Variants in ZNF266 observed in about 807,000 individuals in gnomAD.
The protein encoded by ZNF266 is zinc finger protein 1.
ZNF266 carries 16 observed loss-of-function variants against 16.4 expected under a neutral mutation model. The observed-to-expected ratio is 0.98, with a 90% CI of 0.66 to 1.48. The LOEUF is 1.48. Ranked by LOEUF, ZNF266 falls within the 40% of genes most tolerant of loss-of-function variation. The pLI is 0.00. For synonymous variants in ZNF266, 262 were observed against 237.9 expected (o/e 1.10, Z -0.93); for missense variants, 738 against 689.1 (o/e 1.07, Z -0.79).
chr19:9,429,654 G>A (rs1431688624), intron 5 of ZNF266, among the ~76,000 whole-genome samples: 1 of 152,128 alleles, frequency 6.6e-6, no homozygotes, highest in African/African-American at 2.4e-5. Flanking sequence ...TCCGTGGACT[G>A]CCTCTCCTAA....
At chr19:9,426,029 T>C (rs1300703815) in intron 5 of ZNF266, among the ~76,000 whole-genome samples, 1 of 152,168 alleles carries the variant, frequency 6.6e-6, no homozygotes, top group East Asian at 1.9e-4. Flanking sequence ...CTTCCCACTC[T>C]GACAACAGTA....
Position 9,413,480 on chromosome 19 carries a change from T to C in ZNF266, c.1646A>G (p.His549Arg). 1 of 1,612,776 alleles carries C rather than the reference T, an allele frequency of 6.2e-7. No individual in the cohort carries two copies. ...TTTTTCTCCAGTGTGGATCCGCATG[T>C]GAAGGTTAACACACGTGGGAAACTT... Reference protein sequence around the residue: ...AFKFPTCVNLHMRIHTGEKPY... With the variant: ...AFKFPTCVNLRMRIHTGEKPY... Residue 549 changes from histidine (H) to arginine (R), a missense_variant, in exon 11 of 11, where the codon CAC (histidine) becomes CGC (arginine). By Grantham distance (29) the His-to-Arg change is conservative. Coordinates refer to ENST00000592904, the MANE Select transcript of ZNF266 (RefSeq NM_001370374.1).
At chr19:9,431,892 A>G (rs1488635629) in intron 5 of ZNF266, among the ~76,000 whole-genome samples, 1 of 152,192 alleles carries the variant, frequency 6.6e-6, no homozygotes, top group African/African-American at 2.4e-5. Flanking sequence ...ACCAGTTTCT[A>G]ACAGAAGAAT....
rs552878304 is a variant in ZNF266, at chr19:9,413,513, T to G, written c.1613A>C (p.Lys538Thr). The change falls in exon 11 of 11, where the codon AAA becomes ACA. Residue 538 changes from lysine (K) to threonine (T), a missense_variant. Physicochemically the swap from Lys to Thr is moderately conservative, Grantham distance 78 (BLOSUM62 -1). Transcript: ENST00000592904. The part of the protein sequence containing the change: ...KKPFTCMECG[K>T]AFKFPTCVNL... ...AACACACGTGGGAAACTTAAAAGCT[T>G]TGCCACATTCCATACACGTGAATGG... 27 of 1,613,354 alleles carry G rather than the reference T, an allele frequency of 1.7e-5. No homozygotes were observed. In the South Asian group the frequency reaches 2.9e-4, roughly 17 times the overall value.
At chr19:9,429,366 C>A (rs1186031425) in intron 5 of ZNF266, among the ~76,000 whole-genome samples, 3 of 152,052 alleles carry the variant, frequency 2.0e-5, no homozygotes, top group Non-Finnish European at 4.4e-5. Context: ...ACCTAAACTT[C>A]CACCAAAAGA....
intron 5 of ZNF266, among the ~76,000 whole-genome samples, chr19:9,423,545 C>T (rs1413884768): frequency 2.0e-5 from 3 of 152,198 alleles, no homozygotes; most frequent in African/African-American, 7.2e-5. Flanking sequence ...AGTGGATCTA[C>T]ATGAAAAGTG....
At chr19:9,424,294 A>T (rs1200168157) in intron 5 of ZNF266, among the ~76,000 whole-genome samples, 1 of 152,112 alleles carries the variant, frequency 6.6e-6, no homozygotes, top group Non-Finnish European at 1.5e-5. Flanking sequence ...TCAAAGGGAA[A>T]CTGTGGCACT....
rs374341662 is a variant in ZNF266, at chr19:9,413,502, A to G, written c.1624T>C (p.Phe542Leu). 1 of 1,613,026 alleles carries G rather than the reference A, an allele frequency of 6.2e-7. No homozygotes were observed. Among genetic ancestry groups the G allele is most frequent in the Non-Finnish European group, 8.5e-7 (1 of 1,179,354 alleles). ...ATGTGAAGGTTAACACACGTGGGAAACTTAAAAGCTTTGCCACATTCCATA... is the reference window on the plus strand; with the variant it reads ...ATGTGAAGGTTAACACACGTGGGAAGCTTAAAAGCTTTGCCACATTCCATA... ...TCMECGKAFK[F>L]PTCVNLHMRI... The change falls in exon 11 of 11, where the codon TTT becomes CTT. Residue 542 changes from phenylalanine (F) to leucine (L), a missense_variant. Transcript: ENST00000592904.
chr19:9,415,730 T>C lies in ZNF266; in HGVS notation c.329A>G (p.Lys110Arg). The change falls in exon 10 of 11, where the codon AAA (lysine) becomes AGA (arginine). Residue 110 changes from lysine to arginine, a missense_variant. Physicochemically the swap from Lys to Arg is conservative, Grantham distance 26 (BLOSUM62 2). Coordinates refer to ENST00000592904, the MANE Select transcript of ZNF266 (RefSeq NM_001370374.1). The stretch of plus-strand genomic sequence containing the variant: ...TAACTCTTTGGTTTTAAGTTGCACT[T>C]TCCATTCTGAAGCTGAAGAGAAAAA... The part of the protein sequence containing the change: ...QRGDFQASEW[K>R]VQLKTKELAL... 1 of 1,612,794 alleles carries C rather than the reference T, an allele frequency of 6.2e-7. No individual in the cohort carries two copies. The highest frequency in any genetic ancestry group is 8.5e-7 in the Non-Finnish European group (1 of 1,179,052).
At chr19:9,419,108 A>G (rs1316185941) in intron 7 of ZNF266, 109 bp downstream of exon 7, 1 of 156,064 alleles carries the variant, frequency 6.4e-6, no homozygotes, top group Non-Finnish European at 1.4e-5. Flanking sequence ...TCCTTGAAGG[A>G]GGCTTTATTT....
At position 9,414,721 on chromosome 19, in the gene ZNF266, C is replaced by A. The variant is rs1463163158; in HGVS notation, c.406-1G>T. ...CCTCCCCTCCGTTGTGGCTTCCTATCTGTTGATAAAGGAATGAATGATGAT... is the reference window on the plus strand; with the variant it reads ...CCTCCCCTCCGTTGTGGCTTCCTATATGTTGATAAAGGAATGAATGATGAT... On this transcript the variant is annotated splice_acceptor_variant, in intron 10 of 10. Coordinates refer to ENST00000592904, the MANE Select transcript of ZNF266 (RefSeq NM_001370374.1). LOFTEE classifies it high-confidence loss of function. 9 of 1,554,748 alleles carry A rather than the reference C, an allele frequency of 5.8e-6. No individual in the cohort carries two copies. Among genetic ancestry groups the A allele is most frequent in the Non-Finnish European group, 7.8e-6 (9 of 1,146,796 alleles).
intron 5 of ZNF266, among the ~76,000 whole-genome samples, chr19:9,426,985 T>A (rs1211930321): frequency 6.6e-6 from 1 of 152,198 alleles, no homozygotes; most frequent in Non-Finnish European, 1.5e-5. Flanking sequence ...CACTTACAAA[T>A]TGGCTTGATA....
At chr19:9,417,215 A>G (rs2069170208) in intron 9 of ZNF266, among the ~76,000 whole-genome samples, 1 of 151,678 alleles carries the variant, frequency 6.6e-6, no homozygotes, top group Admixed American at 6.6e-5. Context: ...CACTAATAAT[A>G]CAAAAAATTA....
chr19:9,428,522 G>A (rs2071105780), intron 5 of ZNF266, among the ~76,000 whole-genome samples: 1 of 152,208 alleles, frequency 6.6e-6, no homozygotes, highest in African/African-American at 2.4e-5. Context: ...ATGGGGCTCA[G>A]TGGAATGCTG....
intron 5 of ZNF266, among the ~76,000 whole-genome samples, chr19:9,428,546 C>G (rs1417986578): frequency 6.6e-6 from 1 of 152,174 alleles, no homozygotes; most frequent in Non-Finnish European, 1.5e-5. Context: ...CCTTCCATCC[C>G]TTAGCCAGGA....
chr19:9,423,517 A>C (rs1486771649), intron 5 of ZNF266, among the ~76,000 whole-genome samples: 3 of 152,138 alleles, frequency 2.0e-5, no homozygotes, highest in Non-Finnish European at 4.4e-5. Context: ...TCCATCACAC[A>C]CCCCATCACT....
intron 5 of ZNF266, among the ~76,000 whole-genome samples, chr19:9,424,884 T>C (rs750905988): frequency 5.3e-5 from 8 of 152,324 alleles, no homozygotes; most frequent in South Asian, 2.1e-4. Context: ...GGTAGGAATA[T>C]AGACTTGTTT....
Position 9,413,895 on chromosome 19 carries a change from G to C in ZNF266, c.1231C>G (p.Arg411Gly). The C allele has an allele frequency of 6.2e-7, 1 of 1,613,414 alleles. No homozygotes were observed. Residue 411 changes from arginine to glycine, a missense_variant, in exon 11 of 11, where the codon CGA becomes GGA. Arg to Gly is a moderately radical substitution (Grantham distance 125). Coordinates refer to ENST00000592904, the MANE Select transcript of ZNF266 (RefSeq NM_001370374.1). ...TAGGGTTTTATTCCAGTGTGAATTC[G>C]AAAGTGATCACTGAGGCATGAGGAA... is the stretch of plus-strand genomic sequence containing the variant. ...RNSSCLSDHF[R>G]IHTGIKPYKC...
intron 5 of ZNF266, among the ~76,000 whole-genome samples, chr19:9,427,206 T>C (rs1190428968): frequency 6.6e-6 from 1 of 152,220 alleles, no homozygotes; most frequent in Admixed American, 6.5e-5. Flanking sequence ...ACAGCCTTCA[T>C]ACTGTGGTCC....
Sources: gnomAD v4.1 joint callset for allele counts (sites outside exome capture counted in the v4.1 genomes callset) on GRCh38, gnomAD v4.1.1 for gene constraint, MANE v1.5 for transcripts, NCBI Gene and HGNC (gene_info 2026-07-23, HGNC 2026-07-21) for gene names.